Variants in FTO observed in about 807,000 individuals in gnomAD.
FTO encodes the protein FTO alpha-ketoglutarate dependent dioxygenase, also known as alpha-ketoglutarate-dependent dioxygenase FTO.
FTO carries 47 observed loss-of-function variants against 63.9 expected under a neutral mutation model. The ratio of observed to expected loss-of-function variants is 0.74; its 90% confidence interval spans 0.58 to 0.94. The LOEUF (loss-of-function observed/expected upper bound fraction) is 0.94. Among genes scored for constraint, FTO ranks in the 40% least tolerant of loss-of-function variants. The pLI, the probability that FTO is intolerant of heterozygous loss-of-function variation, is 0.00. For missense variants in FTO, 562 were observed against 618.1 expected (o/e 0.91, Z 0.96); for synonymous variants, 207 against 224.4 (o/e 0.92, Z 0.69).
At chr16:53,850,097 C>T (rs553882200) in intron 4 of FTO, among the ~76,000 whole-genome samples, 7 of 152,184 alleles carry the variant, frequency 4.6e-5, no homozygotes, top group Non-Finnish European at 8.8e-5. Context: ...TGCTTTCTGC[C>T]GAGGCAAGGG....
In FTO at chr16:53,946,583, AT is replaced by A. The variant is rs199595915; in HGVS notation, c.1364+12482del. ...CCTATTGTCTTCTTTTTATTCTTAT[AT>A]TTTTTTTCACTGAAAAAGTTGCTGT... On this transcript the variant is annotated intron_variant, in intron 8 of 8. Coordinates refer to ENST00000471389, the MANE Select transcript of FTO (RefSeq NM_001080432.3). 1.2e-4 allele frequency among the ~76,000 whole-genome samples: 18 copies of A among 151,986 alleles called. No homozygotes were observed. In the South Asian group the frequency reaches 1.5e-3, roughly 12 times the overall value.
chr16:54,027,212 A>G (rs1296477821), intron 8 of FTO, among the ~76,000 whole-genome samples: 1 of 152,170 alleles, frequency 6.6e-6, no homozygotes, highest in East Asian at 1.9e-4. Flanking sequence ...AAATTACACA[A>G]GATTTTGAGT....
At chr16:53,806,810 A>T (rs2078384201) in intron 1 of FTO, among the ~76,000 whole-genome samples, 1 of 152,186 alleles carries the variant, frequency 6.6e-6, no homozygotes, top group South Asian at 2.1e-4. Context: ...GTGTATTAGA[A>T]GGATAAATCA....
chr16:53,889,165 T>C (rs1369989120), intron 7 of FTO, among the ~76,000 whole-genome samples: 1 of 152,254 alleles, frequency 6.6e-6, no homozygotes, highest in Non-Finnish European at 1.5e-5. Context: ...TCATAGGGCA[T>C]GTGCTGGACA....
chr16:53,892,989 C>A (rs2081190722), intron 7 of FTO, among the ~76,000 whole-genome samples: 3 of 152,212 alleles, frequency 2.0e-5, no homozygotes, highest in Admixed American at 1.3e-4. Context: ...TTCCCATTTC[C>A]TGTCCCAGAA....
intron 8 of FTO, among the ~76,000 whole-genome samples, chr16:53,989,284 C>G (rs2083745714): frequency 6.6e-6 from 1 of 152,100 alleles, no homozygotes; most frequent in African/African-American, 2.4e-5. Context: ...ACAAAATGGC[C>G]TGTTACAATA....
chr16:53,711,219 GA>G, intron 1 of FTO: 1 of 374,590 alleles, frequency 2.7e-6, no homozygotes, highest in Non-Finnish European at 4.7e-6. Flanking sequence ...AACTTATGTT[GA>G]GTGTCTAGTC....
chr16:53,984,321 C>CCTTTTTTTTTTTTTTTTTTT, intron 8 of FTO, among the ~76,000 whole-genome samples: 1 of 67,290 alleles, frequency 1.5e-5, no homozygotes. Context: ...TGGAATGGGT[C>CCTTTTTTTTTTTTTTTTTTT]TTTTTTTTTT....
intron 1 of FTO, among the ~76,000 whole-genome samples, chr16:53,803,614 C>A (rs1012984899): frequency 5.0e-4 from 76 of 152,144 alleles, no homozygotes; most frequent in African/African-American, 1.8e-3. Context: ...GAGATGATTT[C>A]TCTTGCCTCA....
intron 8 of FTO, among the ~76,000 whole-genome samples, chr16:54,021,764 A>G (rs2084607896): frequency 6.6e-6 from 1 of 152,140 alleles, no homozygotes; most frequent in Non-Finnish European, 1.5e-5. Flanking sequence ...CCAAGATTAC[A>G]GGTGTGAGCC....
chr16:53,958,321 T>C (rs1387409682), intron 8 of FTO, among the ~76,000 whole-genome samples: 1 of 152,170 alleles, frequency 6.6e-6, no homozygotes, highest in African/African-American at 2.4e-5. Context: ...TATAGTTTCT[T>C]ATGGCAGAGG....
intron 1 of FTO, among the ~76,000 whole-genome samples, chr16:53,808,939 T>A (rs371892095): frequency 4.6e-5 from 7 of 152,372 alleles, no homozygotes; most frequent in African/African-American, 1.4e-4. Context: ...TATGTACCTG[T>A]CTATGTGTAT....
chr16:54,091,676 G>A (rs1485149040), intron 8 of FTO, among the ~76,000 whole-genome samples: 3 of 152,278 alleles, frequency 2.0e-5, no homozygotes, highest in East Asian at 1.9e-4. Flanking sequence ...ACCCTTCTAC[G>A]TCATTGGATG....
intron 4 of FTO, among the ~76,000 whole-genome samples, chr16:53,849,692 C>G (rs919341734): frequency 6.6e-6 from 1 of 152,198 alleles, no homozygotes; most frequent in African/African-American, 2.4e-5. Context: ...ACCCAGAGCA[C>G]AGAAATATTT....
chr16:53,834,888 G>A (rs111315273), intron 3 of FTO, among the ~76,000 whole-genome samples: 6 of 152,074 alleles, frequency 3.9e-5, no homozygotes, highest in African/African-American at 1.2e-4. Flanking sequence ...CTCCCTGCCT[G>A]CCTACACATG....
chr16:53,958,769 C>G (rs2082994483), intron 8 of FTO, among the ~76,000 whole-genome samples: 1 of 152,136 alleles, frequency 6.6e-6, no homozygotes, highest in Non-Finnish European at 1.5e-5. Context: ...AGAGCACAAC[C>G]CCAAATAAAT....
At chr16:53,910,974 T>G (rs1469440060) in intron 7 of FTO, among the ~76,000 whole-genome samples, 1 of 152,236 alleles carries the variant, frequency 6.6e-6, no homozygotes. Context: ...TTTACTGAGC[T>G]ACACCCAAGA....
intron 4 of FTO, among the ~76,000 whole-genome samples, chr16:53,860,245 A>G (rs536829043): frequency 1.3e-5 from 2 of 152,230 alleles, no homozygotes. Flanking sequence ...ACATGATCTT[A>G]CTTATATGTG....
At chr16:53,756,533 G>A (rs2076928604) in intron 1 of FTO, among the ~76,000 whole-genome samples, 1 of 152,148 alleles carries the variant, frequency 6.6e-6, no homozygotes, top group South Asian at 2.1e-4. Flanking sequence ...CTAACATTAT[G>A]TGTATTAGAT....
Sources: allele counts gnomAD v4.1 joint callset (sites outside exome capture counted in the v4.1 genomes callset), GRCh38; gene constraint gnomAD v4.1.1; transcripts MANE v1.5; gene names NCBI Gene and HGNC (gene_info 2026-07-23, HGNC 2026-07-21).